ARSG: variants seen among roughly 807,000 people sequenced by gnomAD.
ARSG encodes ASG.
Under a neutral mutation model 50.5 loss-of-function variants are expected in ARSG, and 37 were observed. The ratio of observed to expected loss-of-function variants is 0.73; its 90% CI spans 0.56 to 0.96. The LOEUF is 0.96. ARSG is among the 50% of genes least tolerant of loss of function. ARSG has a pLI of 0.00. For missense variants in ARSG, 629 were observed against 675.3 expected (o/e 0.93, Z 0.76); for synonymous variants, 225 against 254.6 (o/e 0.88, Z 1.11).
intron 4 of ARSG, among the ~76,000 whole-genome samples, chr17:68,349,039 C>T (rs1029472024): frequency 6.6e-6 from 1 of 152,094 alleles, no homozygotes; most frequent in East Asian, 1.9e-4. Context: ...TGGTGGCTCA[C>T]GCCTGTAATC....
the ARSG span, chr17:68,434,482 C>T: frequency 2.6e-6 from 4 of 1,525,868 alleles, no homozygotes; most frequent in South Asian, 4.7e-5. Context: ...TCTGTCCTCT[C>T]CCTAGACAGC....
chr17:68,388,471 G>A (rs532791249), intron 9 of ARSG, among the ~76,000 whole-genome samples: 2 of 152,176 alleles, frequency 1.3e-5, no homozygotes, highest in African/African-American at 2.4e-5. Context: ...CGGCTTTAGC[G>A]GAAGCTCTCT....
intron 6 of ARSG, among the ~76,000 whole-genome samples, chr17:68,360,219 C>T (rs547034686): frequency 1.5e-3 from 224 of 152,292 alleles, no homozygotes; most frequent in Middle Eastern, 3.4e-3. Flanking sequence ...TGAAAAGTCC[C>T]GAGTCCTGTT....
downstream of ARSG, chr17:68,426,028 C>A: frequency 6.6e-7 from 1 of 1,526,328 alleles, no homozygotes; most frequent in Non-Finnish European, 9.1e-7. Context: ...AGGTTTCCTT[C>A]TAAGCACACA....
At chr17:68,328,740 T>C (rs1027655804) in intron 2 of ARSG, among the ~76,000 whole-genome samples, 3 of 152,132 alleles carry the variant, frequency 2.0e-5, no homozygotes, top group Non-Finnish European at 4.4e-5. Flanking sequence ...CAGTGGTGTC[T>C]TCAGGTCTAC....
intron 6 of ARSG, among the ~76,000 whole-genome samples, chr17:68,361,060 G>A (rs2079261616): frequency 6.6e-6 from 1 of 152,044 alleles, no homozygotes; most frequent in East Asian, 1.9e-4. Flanking sequence ...CCCAACCTCA[G>A]GTGATCTACC....
chr17:68,441,049 G>A, the ARSG span: 5 of 152,338 alleles, frequency 3.3e-5, no homozygotes, highest in African/African-American at 9.6e-5. Flanking sequence ...GCATTGCTGT[G>A]TGGTATGGAA....
At chr17:68,426,300 C>A, downstream of ARSG, 1 of 742,676 alleles carries the variant, frequency 1.3e-6, no homozygotes, top group Non-Finnish European at 2.3e-6. Flanking sequence ...TGTCTTCCCC[C>A]TGGAGGTACT....
chr17:68,403,868 C>A (rs2081588530), intron 11 of ARSG, among the ~76,000 whole-genome samples: 1 of 152,078 alleles, frequency 6.6e-6, no homozygotes, highest in Non-Finnish European at 1.5e-5. Context: ...CTCACCCCAC[C>A]CCACGACAGG....
At chr17:68,408,951 C>T (rs111828966) in intron 11 of ARSG, among the ~76,000 whole-genome samples, 31 of 149,640 alleles carry the variant, frequency 2.1e-4, no homozygotes, top group East Asian at 9.8e-4. Context: ...TCATGTCCTT[C>T]GCCCACTTTT....
At chr17:68,326,913 G>C (rs1302075787) in intron 2 of ARSG, among the ~76,000 whole-genome samples, 1 of 152,216 alleles carries the variant, frequency 6.6e-6, no homozygotes, top group African/African-American at 2.4e-5. Flanking sequence ...GGAGTGGCCA[G>C]AGAAAGAGTG....
At chr17:68,428,592 A>AG in the ARSG span, 4 of 450,652 alleles carry the variant, frequency 8.9e-6, no homozygotes, top group Non-Finnish European at 1.6e-5. Context: ...GCATAGGCTG[A>AG]GGGGGAGACC....
At chr17:68,319,279 A>T (rs2077187781) in intron 2 of ARSG, among the ~76,000 whole-genome samples, 1 of 152,202 alleles carries the variant, frequency 6.6e-6, no homozygotes, top group Non-Finnish European at 1.5e-5. Context: ...ATTATCCCCT[A>T]GAGGCCAGCT....
At chr17:68,261,444 A>G (rs2075069617) in intron 1 of ARSG, among the ~76,000 whole-genome samples, 1 of 152,034 alleles carries the variant, frequency 6.6e-6, no homozygotes, top group Non-Finnish European at 1.5e-5. Flanking sequence ...CAGTGGTGTG[A>G]TCTTGGCTCA....
intron 1 of ARSG, among the ~76,000 whole-genome samples, chr17:68,306,240 G>T (rs1221422556): frequency 6.6e-6 from 1 of 152,008 alleles, no homozygotes; most frequent in Non-Finnish European, 1.5e-5. Context: ...AACCTCAGGT[G>T]ATCCGCCCGC....
chr17:68,435,530 A>G, the ARSG span: 317 of 1,278,828 alleles, frequency 2.5e-4, no homozygotes, highest in Admixed American at 4.4e-4. Flanking sequence ...GTCAGTCTTC[A>G]TGTCACCAGG....
intron 9 of ARSG, among the ~76,000 whole-genome samples, chr17:68,388,880 G>A (rs906743091): frequency 1.4e-5 from 2 of 142,874 alleles, no homozygotes; most frequent in Non-Finnish European, 1.5e-5. Flanking sequence ...AGCCGAGATC[G>A]CACCACTGCA....
the ARSG span, among the ~76,000 whole-genome samples, chr17:68,429,455 G>GT: frequency 6.6e-6 from 1 of 152,152 alleles, no homozygotes; most frequent in Non-Finnish European, 1.5e-5. Flanking sequence ...AATAAGAATT[G>GT]TTTTTAAGAC....
At chr17:68,417,387 A>T (rs1407692658) in intron 11 of ARSG, among the ~76,000 whole-genome samples, 1 of 152,060 alleles carries the variant, frequency 6.6e-6, no homozygotes, top group Non-Finnish European at 1.5e-5. Context: ...GGATGAAGAG[A>T]TTTTTCTCCA....
Sources: gnomAD v4.1 joint callset for allele counts (sites outside exome capture counted in the v4.1 genomes callset) on GRCh38, gnomAD v4.1.1 for gene constraint, MANE v1.5 for transcripts, NCBI Gene and HGNC (gene_info 2026-07-23, HGNC 2026-07-21) for gene names.